TMEM230: variants seen among roughly 807,000 people sequenced by gnomAD.
TMEM230 encodes transmembrane protein 230.
Under a neutral mutation model 15.8 loss-of-function variants are expected in TMEM230, and 10 were observed. The ratio of observed to expected loss-of-function variants is 0.63; its 90% confidence interval spans 0.39 to 1.07. TMEM230 has a LOEUF of 1.07. Among genes scored for constraint, TMEM230 ranks in the 50% least tolerant of loss-of-function variants. The probability of loss-of-function intolerance (pLI) is 0.01; values close to 1 mark genes in which losing one functional copy is unlikely to be tolerated. For synonymous variants in TMEM230, 67 were observed against 76.9 expected (o/e 0.87, Z 0.68); for missense variants, 165 against 193.3 (o/e 0.85, Z 0.87).
At chr20:5,092,420 C>A (rs1043776680) in intron 3 of TMEM230, among the ~76,000 whole-genome samples, 1 of 152,002 alleles carries the variant, frequency 6.6e-6, no homozygotes, top group Non-Finnish European at 1.5e-5. Context: ...GTAATACACA[C>A]GTTAAGAGAA....
the TMEM230 span, among the ~76,000 whole-genome samples, chr20:5,059,770 T>C: frequency 4.2e-4 from 24 of 57,100 alleles, no homozygotes; most frequent in African/African-American, 1.5e-3. Flanking sequence ...CTAATTTTTT[T>C]TTTTTTTTTT....
At chr20:5,105,756 T>G (rs2090050707) in intron 4 of TMEM230, among the ~76,000 whole-genome samples, 1 of 151,638 alleles carries the variant, frequency 6.6e-6, no homozygotes, top group South Asian at 2.1e-4. Flanking sequence ...GAAAAAAAAT[T>G]GGCCAGGGGC....
chr20:5,070,855 C>G (rs570440900), intron 3 of TMEM230, among the ~76,000 whole-genome samples: 5 of 152,316 alleles, frequency 3.3e-5, no homozygotes, highest in Admixed American at 3.3e-4. Context: ...TAGCCTTGAC[C>G]TGTTGCACTC....
chr20:5,091,069 G>C (rs2089492220), intron 3 of TMEM230, among the ~76,000 whole-genome samples: 1 of 152,144 alleles, frequency 6.6e-6, no homozygotes, highest in African/African-American at 2.4e-5. Flanking sequence ...CGAGATCATG[G>C]CTCACTGCCG....
At chr20:5,062,838 T>A in the TMEM230 span, among the ~76,000 whole-genome samples, 1 of 152,188 alleles carries the variant, frequency 6.6e-6, no homozygotes, top group Non-Finnish European at 1.5e-5. Context: ...TCTACAGAGC[T>A]GGTATTCTAT....
chr20:5,062,042 G>A, the TMEM230 span, among the ~76,000 whole-genome samples: 2 of 151,920 alleles, frequency 1.3e-5, no homozygotes. Context: ...CCAACATGGT[G>A]AAACCCCATC....
At chr20:5,067,408 CTCAT>C (rs2088676439), downstream of TMEM230, 1 of 82,430 alleles carries the variant, frequency 1.2e-5, no homozygotes, top group African/African-American at 5.2e-5. Context: ...AGTGTTTAGG[CTCAT>C]ATATATATAT....
chr20:5,079,066 T>G (rs2089097857), intron 3 of TMEM230, among the ~76,000 whole-genome samples: 1 of 152,292 alleles, frequency 6.6e-6, no homozygotes, highest in Non-Finnish European at 1.5e-5. Flanking sequence ...TTTGTGACTC[T>G]TTTTGCATAG....
intron 3 of TMEM230, among the ~76,000 whole-genome samples, chr20:5,079,380 A>G (rs776827002): frequency 3.3e-5 from 5 of 152,238 alleles, no homozygotes; most frequent in Admixed American, 6.5e-5. Flanking sequence ...ATTTCTAGAT[A>G]GATTTCAGAA....
chr20:5,102,492 A>G lies in TMEM230; in HGVS notation c.412-1561T>C, dbSNP rs377148033. ...GATCGCTTGAGCTCAGGATTTCAAG[A>G]CCAGCCTGGTCAACATGGTAAAATC... On this transcript the variant is annotated intron_variant, in intron 4 of 4. Transcript: ENST00000342308. Among the ~76,000 whole-genome samples the G allele has an allele frequency of 1.7e-4, 26 of 151,674 alleles. No individual in the cohort carries two copies. In the East Asian group the frequency reaches 4.7e-3, roughly 28 times the overall value.
intron 3 of TMEM230, among the ~76,000 whole-genome samples, chr20:5,085,683 C>G (rs1242471141): frequency 6.6e-6 from 1 of 152,100 alleles, no homozygotes; most frequent in Non-Finnish European, 1.5e-5. Context: ...GTTTCCTGTT[C>G]TAATCTTGTA....
intron 3 of TMEM230, among the ~76,000 whole-genome samples, chr20:5,106,855 G>A (rs961588497): frequency 1.3e-5 from 2 of 151,906 alleles, no homozygotes; most frequent in African/African-American, 4.8e-5. Context: ...ACAAGTATAC[G>A]TCACCATGCC....
At chr20:5,101,737 C>A (rs1249956312) in intron 4 of TMEM230, among the ~76,000 whole-genome samples, 1 of 152,080 alleles carries the variant, frequency 6.6e-6, no homozygotes, top group East Asian at 1.9e-4. Flanking sequence ...TGGCTGTGTT[C>A]CCTGTTGTGT....
chr20:5,105,982 C>CT (rs2090062011), intron 4 of TMEM230, among the ~76,000 whole-genome samples: 1 of 152,006 alleles, frequency 6.6e-6, no homozygotes, highest in South Asian at 2.1e-4. Context: ...GAGAGGATCG[C>CT]TTGAGCCCAG....
At chr20:5,095,337 TGG>T (rs1028007687), downstream of TMEM230, among the ~76,000 whole-genome samples, 1 of 152,178 alleles carries the variant, frequency 6.6e-6, no homozygotes, top group African/African-American at 2.4e-5. Context: ...TGCCTCTCAC[TGG>T]GTCATAAATT....
chr20:5,091,848 G>A (rs1429556858), intron 3 of TMEM230, among the ~76,000 whole-genome samples: 1 of 152,162 alleles, frequency 6.6e-6, no homozygotes, highest in East Asian at 1.9e-4. Flanking sequence ...TAAAAACCAA[G>A]GTTAGATTAA....
At chr20:5,084,798 T>C (rs933087455) in intron 3 of TMEM230, among the ~76,000 whole-genome samples, 16 of 152,200 alleles carry the variant, frequency 1.1e-4, no homozygotes, top group Non-Finnish European at 2.1e-4. Context: ...CCTCCCAAAG[T>C]GTTGGGATTA....
In TMEM230 at chr20:5,089,140, C is replaced by T. The variant is rs900776852; in HGVS notation, c.222+17048G>A. Among the ~76,000 whole-genome samples, 36 of 151,880 alleles carry T rather than the reference C, an allele frequency of 2.4e-4. 1 individual carries two copies. Among genetic ancestry groups the T allele is most frequent in the Non-Finnish European group, 4.9e-4 (33 of 67,952 alleles). ...CTGCAATCCCAGCACTTTGCAGGGCCGAAGCAGGCAGATCACGAGGTCAGA... is the reference window on the plus strand; with the variant it reads ...CTGCAATCCCAGCACTTTGCAGGGCTGAAGCAGGCAGATCACGAGGTCAGA... On this transcript the variant is annotated intron_variant, in intron 3 of 3. Transcript: ENST00000612323.
rs377123864 is a variant in TMEM230, at chr20:5,106,275, G to A, written c.324C>T (p.Ala108=). 1 of 1,612,574 alleles carries A rather than the reference G, an allele frequency of 6.2e-7. No individual in the cohort carries two copies. Among genetic ancestry groups the A allele is most frequent in the Non-Finnish European group, 8.5e-7 (1 of 1,179,606 alleles). ...AAAACAGCACAGTGGCAAGTGCGAT[G>A]GCCTTATAAGGGATCTTAGGAGGGG... Residue 108 remains alanine, a synonymous_variant, in exon 4 of 5, where the codon GCC becomes GCT. Transcript: ENST00000342308.
Sources: allele counts gnomAD v4.1 joint callset (sites outside exome capture counted in the v4.1 genomes callset), GRCh38; gene constraint gnomAD v4.1.1; transcripts MANE v1.5; gene names NCBI Gene and HGNC (gene_info 2026-07-23, HGNC 2026-07-21).